PPP1R16B: variants seen among roughly 807,000 people sequenced by gnomAD.
The protein encoded by PPP1R16B is protein phosphatase 1 regulatory inhibitor subunit 16B.
A neutral mutation model predicts 61.7 loss-of-function variants in PPP1R16B; 14 were observed. That is an observed-to-expected ratio of 0.23 (90% CI 0.15 to 0.35). The LOEUF (loss-of-function observed/expected upper bound fraction) is 0.35, where lower values mean the gene tolerates loss of function less well. PPP1R16B is among the 10% of genes least tolerant of loss of function. PPP1R16B has a pLI of 1.00. For missense variants in PPP1R16B, 547 were observed against 752.5 expected, an observed-to-expected ratio of 0.73 and a Z score of 3.19; for synonymous variants, 266 against 305.3, an observed-to-expected ratio of 0.87 and a Z score of 1.34.
chr20:38,847,183 C>T lies in PPP1R16B; in HGVS notation c.250+11008C>T, dbSNP rs1287009665. On this transcript the variant is annotated intron_variant, in intron 2 of 10. Coordinates refer to ENST00000299824, the MANE Select transcript of PPP1R16B (RefSeq NM_015568.4). ...CTGCTATCTCCCCACCTCATCACTA[C>T]CTGCCACATCAATGCTGGATGATGA... 3.9e-5 allele frequency among the ~76,000 whole-genome samples: 6 copies of T among 152,174 alleles called. No homozygotes were observed. In the East Asian group the frequency reaches 9.6e-4, roughly 24 times the overall value.
intron 4 of PPP1R16B, among the ~76,000 whole-genome samples, chr20:38,896,081 TC>T (rs2085342913): frequency 8.6e-6 from 1 of 116,726 alleles, no homozygotes. Flanking sequence ...CCTCCCTTCC[TC>T]CCTTTCTGCC....
At chr20:38,872,600 A>C (rs2145745994) in intron 2 of PPP1R16B, among the ~76,000 whole-genome samples, 1 of 152,244 alleles carries the variant, frequency 6.6e-6, no homozygotes, top group East Asian at 1.9e-4. Flanking sequence ...GGGCCACCGG[A>C]TTTGCATTGC....
chr20:38,884,014 TG>T (rs1391824282), intron 2 of PPP1R16B, among the ~76,000 whole-genome samples: 4 of 152,214 alleles, frequency 2.6e-5, no homozygotes, highest in Non-Finnish European at 5.9e-5. Context: ...TGGGGCTTTG[TG>T]GGCAAGAAGC....
chr20:38,894,523 T>C (rs1482920481), intron 3 of PPP1R16B, among the ~76,000 whole-genome samples: 1 of 152,198 alleles, frequency 6.6e-6, no homozygotes, highest in African/African-American at 2.4e-5. Context: ...GCAGTTGTTT[T>C]TAAAAGCAAT....
At chr20:38,816,157 G>A (rs2084733980) in intron 1 of PPP1R16B, among the ~76,000 whole-genome samples, 2 of 152,106 alleles carry the variant, frequency 1.3e-5, no homozygotes, top group South Asian at 4.1e-4. Context: ...GAAGGGGTGA[G>A]TAATTTTAGA....
intron 1 of PPP1R16B, among the ~76,000 whole-genome samples, chr20:38,822,855 G>T (rs1053174504): frequency 6.6e-6 from 1 of 152,168 alleles, no homozygotes; most frequent in Non-Finnish European, 1.5e-5. Context: ...TGGTAGTAGA[G>T]CTCCAGACAT....
chr20:38,839,687 CTT>C (rs11086738), intron 2 of PPP1R16B, among the ~76,000 whole-genome samples: 36 of 150,178 alleles, frequency 2.4e-4, no homozygotes, highest in Non-Finnish European at 4.4e-4. Flanking sequence ...CTGCAATTTT[CTT>C]TTTTTTTTTC....
chr20:38,909,183 G>A (rs914223806), intron 10 of PPP1R16B, among the ~76,000 whole-genome samples: 3 of 151,978 alleles, frequency 2.0e-5, no homozygotes, highest in Non-Finnish European at 2.9e-5. Context: ...CAAATTTCTT[G>A]TAGAGATGAG....
intron 2 of PPP1R16B, among the ~76,000 whole-genome samples, chr20:38,839,406 A>G (rs906014526): frequency 6.6e-6 from 1 of 152,200 alleles, no homozygotes; most frequent in Non-Finnish European, 1.5e-5. Context: ...TCAGAACCTA[A>G]ATATGCACAG....
rs148545634 is a variant in PPP1R16B at position 38,806,129 on chromosome 20, T to C, written c.-102+337T>C. ...GCGGGGAGGTGGGGTCCTCGGTCTG[T>C]TCTGGACTCATGGGGCCGCCGTCTG... On this transcript the variant is annotated intron_variant, in intron 1 of 10. Transcript: ENST00000299824. The surrounding 1 kb of genome is among the most constrained non-coding windows in gnomAD (Gnocchi z 4.5). Among the ~76,000 whole-genome samples, 1,255 of 152,114 alleles carry C rather than the reference T, an allele frequency of 8.3e-3. 20 individuals are homozygous for C. The highest frequency in any genetic ancestry group is 0.029 in the African/African-American group (1,185 of 41,518).
chr20:38,825,484 T>C (rs1465890940), intron 1 of PPP1R16B, among the ~76,000 whole-genome samples: 1 of 152,204 alleles, frequency 6.6e-6, no homozygotes. Context: ...ATAGAACAAG[T>C]ACTTGCTAAC....
At chr20:38,892,226 T>C (rs918907121) in intron 3 of PPP1R16B, among the ~76,000 whole-genome samples, 9 of 152,092 alleles carry the variant, frequency 5.9e-5, no homozygotes, top group African/African-American at 2.2e-4. Context: ...GTGGCACCCT[T>C]TTTTTAGCTT....
At chr20:38,845,753 C>T (rs528788666) in intron 2 of PPP1R16B, among the ~76,000 whole-genome samples, 34 of 152,182 alleles carry the variant, frequency 2.2e-4, no homozygotes, top group Middle Eastern at 3.4e-3. Flanking sequence ...AGGAACTGTA[C>T]ATTTGATTTC....
chr20:38,889,745 T>A, intron 3 of PPP1R16B, 80 bp downstream of exon 3: 1 of 1,381,756 alleles, frequency 7.2e-7, no homozygotes, highest in Non-Finnish European at 1.0e-6. Context: ...ACTTTCCTGC[T>A]CAGAACCCTC....
Position 38,918,703 on chromosome 20 carries a change from G to T in PPP1R16B, c.*37G>T. ...TGGAGGAGGGAGATGCCTGGGGAGG[G>T]GCTCCTGGAATCCAGGCCAGCCCAA... On this transcript the variant is annotated 3_prime_UTR_variant, in exon 11 of 11. Transcript: ENST00000299824. This position sits in a 1 kb window ranked among gnomAD's most constrained non-coding sequence, Gnocchi z 5.3. The T allele has an allele frequency of 6.7e-7, 1 of 1,487,730 alleles. No individual in the cohort carries two copies. The highest frequency in any genetic ancestry group is 8.9e-7 in the Non-Finnish European group (1 of 1,123,820). The allele number at this position is 1,487,730 out of a possible 1,614,324, so 92.2% of individuals were successfully genotyped here.
chr20:38,858,876 T>C (rs973410813), intron 2 of PPP1R16B, among the ~76,000 whole-genome samples: 1 of 152,228 alleles, frequency 6.6e-6, no homozygotes, highest in Non-Finnish European at 1.5e-5. Flanking sequence ...GGGGAAAATT[T>C]GTCTCTGCTC....
intron 2 of PPP1R16B, among the ~76,000 whole-genome samples, chr20:38,884,889 G>A (rs1012704926): frequency 6.6e-6 from 1 of 151,822 alleles, no homozygotes; most frequent in Admixed American, 6.6e-5. Flanking sequence ...GGCTAACATG[G>A]TGAAACCCCG....
intron 2 of PPP1R16B, among the ~76,000 whole-genome samples, chr20:38,876,614 T>G (rs2085169346): frequency 6.6e-6 from 1 of 152,142 alleles, no homozygotes; most frequent in East Asian, 1.9e-4. Flanking sequence ...TAGACCACAG[T>G]GTGCCAACCC....
intron 10 of PPP1R16B, among the ~76,000 whole-genome samples, chr20:38,908,883 C>A (rs958027223): frequency 1.3e-5 from 2 of 152,214 alleles, no homozygotes; most frequent in Non-Finnish European, 1.5e-5. Context: ...CACGCCTCTG[C>A]GAGCTTCTGG....
Sources: allele counts gnomAD v4.1 joint callset (sites outside exome capture counted in the v4.1 genomes callset), GRCh38; gene constraint gnomAD v4.1.1; non-coding constraint Gnocchi (gnomAD v3.1); transcripts MANE v1.5; gene names NCBI Gene and HGNC (gene_info 2026-07-23, HGNC 2026-07-21).